Variants in OPCML observed in about 807,000 individuals in gnomAD.
OPCML encodes opioid binding protein/cell adhesion molecule like.
In OPCML, 13 loss-of-function variants were observed where a neutral mutation model predicts 37.8. The ratio of observed to expected loss-of-function variants is 0.34; its 90% CI spans 0.22 to 0.55. The LOEUF is 0.55. OPCML is among the 20% of genes least tolerant of loss of function. The probability of loss-of-function intolerance (pLI) is 0.91; values close to 1 mark genes in which losing one functional copy is unlikely to be tolerated. For synonymous variants in OPCML, 176 were observed against 168.8 expected, an observed-to-expected ratio of 1.04 and a Z score of -0.33; for missense variants, 341 against 435.6, an observed-to-expected ratio of 0.78 and a Z score of 1.93.
chr11:133,236,422 T>C (rs1940518536), intron 1 of OPCML, among the ~76,000 whole-genome samples: 1 of 152,322 alleles, frequency 6.6e-6, no homozygotes, highest in South Asian at 2.1e-4. Context: ...TGACCATGAG[T>C]ATCCCAAGTC....
chr11:132,909,001 G>A (rs1464608898), intron 2 of OPCML, among the ~76,000 whole-genome samples: 5 of 151,920 alleles, frequency 3.3e-5, no homozygotes, highest in African/African-American at 1.2e-4. Context: ...GTCGCTCAGG[G>A]GTCGCTGTGC....
Position 133,212,126 on chromosome 11 carries a change from G to A in OPCML, c.62-269116C>T, listed in dbSNP as rs995741218. ...GGGGGGTCAGGATCCTTCACCTGCT[G>A]GAACCTGAGCATGAAAGTACCCACA... On this transcript the variant is annotated intron_variant, in intron 1 of 7. Coordinates refer to ENST00000524381, the MANE Select transcript of OPCML (RefSeq NM_001012393.5). This position sits in a 1 kb window ranked among gnomAD's most constrained non-coding sequence, Gnocchi z 4.9. Among the ~76,000 whole-genome samples, 1 of 152,034 alleles carries A rather than the reference G, an allele frequency of 6.6e-6. No homozygotes were observed. Among genetic ancestry groups the A allele is most frequent in the Non-Finnish European group, 1.5e-5 (1 of 68,006 alleles).
chr11:133,266,270 T>A (rs1293886118), intron 1 of OPCML, among the ~76,000 whole-genome samples: 1 of 152,146 alleles, frequency 6.6e-6, no homozygotes, highest in African/African-American at 2.4e-5. Flanking sequence ...CAGAAGGAAC[T>A]TTCAATTATT....
chr11:133,353,788 G>T (rs920267690), intron 1 of OPCML, among the ~76,000 whole-genome samples: 1 of 152,150 alleles, frequency 6.6e-6, no homozygotes, highest in Non-Finnish European at 1.5e-5. Flanking sequence ...GCTTTTGGAC[G>T]ATGTAGATAA....
At chr11:133,343,876 C>G (rs775304335) in intron 1 of OPCML, among the ~76,000 whole-genome samples, 9 of 152,160 alleles carry the variant, frequency 5.9e-5, no homozygotes, top group Non-Finnish European at 1.2e-4. Flanking sequence ...ACAATTTAAA[C>G]ACAGTCATTA....
chr11:133,467,216 T>C (rs1048328826), intron 1 of OPCML, among the ~76,000 whole-genome samples: 4 of 152,170 alleles, frequency 2.6e-5, no homozygotes, highest in African/African-American at 7.2e-5. Context: ...ACAGGAGTCC[T>C]CTGTCCTTAG....
At chr11:133,057,387 C>T (rs984996357) in intron 1 of OPCML, among the ~76,000 whole-genome samples, 1 of 152,158 alleles carries the variant, frequency 6.6e-6, no homozygotes, top group Non-Finnish European at 1.5e-5. Context: ...GGTCAGCTGG[C>T]GGCTCTTCGA....
chr11:133,273,327 C>A (rs915365931), intron 1 of OPCML, among the ~76,000 whole-genome samples: 10 of 152,218 alleles, frequency 6.6e-5, no homozygotes, highest in African/African-American at 2.4e-4. Flanking sequence ...TGTGAGCCAG[C>A]AGGGTGCACA....
At chr11:132,697,266 C>T (rs898020522) in intron 2 of OPCML, among the ~76,000 whole-genome samples, 1 of 152,110 alleles carries the variant, frequency 6.6e-6, no homozygotes. Context: ...CACATAATTA[C>T]CTTCTTTTTT....
At chr11:132,507,773 A>G (rs185147318) in intron 4 of OPCML, among the ~76,000 whole-genome samples, 101 of 152,052 alleles carry the variant, frequency 6.6e-4, no homozygotes, top group Non-Finnish European at 1.5e-4. Flanking sequence ...AACAAAACTT[A>G]CAGACATGTT....
intron 2 of OPCML, among the ~76,000 whole-genome samples, chr11:132,813,485 C>A (rs1367410315): frequency 6.6e-6 from 1 of 152,178 alleles, no homozygotes; most frequent in Admixed American, 6.5e-5. Context: ...ACTACCAATG[C>A]AAGAGAAGCA....
chr11:133,372,072 T>A (rs1381773819), intron 1 of OPCML, among the ~76,000 whole-genome samples: 1 of 152,170 alleles, frequency 6.6e-6, no homozygotes, highest in Admixed American at 6.5e-5. Context: ...CAAAGATACA[T>A]TTAGATGGAA....
At chr11:132,917,252 G>C (rs1001945573) in intron 2 of OPCML, among the ~76,000 whole-genome samples, 5 of 152,228 alleles carry the variant, frequency 3.3e-5, no homozygotes, top group African/African-American at 7.2e-5. Flanking sequence ...TAGAAACTCT[G>C]TGGAGTCATC....
At chr11:132,861,575 G>A (rs550058807) in intron 2 of OPCML, among the ~76,000 whole-genome samples, 13 of 152,220 alleles carry the variant, frequency 8.5e-5, no homozygotes, top group East Asian at 1.9e-4. Context: ...GGTGGCTCAC[G>A]CCTGTAATCC....
At chr11:132,448,358 T>C (rs1166275200) in intron 4 of OPCML, among the ~76,000 whole-genome samples, 2 of 152,178 alleles carry the variant, frequency 1.3e-5, no homozygotes, top group Non-Finnish European at 2.9e-5. Context: ...AAGTACCCAC[T>C]AACCCAGGCA....
chr11:132,778,284 T>C (rs1267701100), intron 2 of OPCML, among the ~76,000 whole-genome samples: 1 of 152,144 alleles, frequency 6.6e-6, no homozygotes, highest in East Asian at 1.9e-4. Flanking sequence ...GTCACTGCAC[T>C]GGCCCCAGGC....
At chr11:132,634,810 T>C (rs1330122319) in intron 3 of OPCML, among the ~76,000 whole-genome samples, 1 of 152,172 alleles carries the variant, frequency 6.6e-6, no homozygotes, top group Non-Finnish European at 1.5e-5. Flanking sequence ...TGAACTTCAG[T>C]AGATCCCAGA....
chr11:132,947,584 A>G (rs191497433), intron 1 of OPCML, among the ~76,000 whole-genome samples: 170 of 152,328 alleles, frequency 1.1e-3, no homozygotes, highest in African/African-American at 4.1e-3. Flanking sequence ...TCTGTAGGAC[A>G]CTGCTGTGGA....
intron 1 of OPCML, among the ~76,000 whole-genome samples, chr11:133,491,413 G>A (rs1002753559): frequency 2.6e-5 from 4 of 152,146 alleles, no homozygotes; most frequent in Admixed American, 2.0e-4. Context: ...TCACTGTAAC[G>A]GTCCTCTTGA....
Sources: allele counts gnomAD v4.1 joint callset (sites outside exome capture counted in the v4.1 genomes callset), GRCh38; gene constraint gnomAD v4.1.1; non-coding constraint Gnocchi (gnomAD v3.1); transcripts MANE v1.5; gene names NCBI Gene and HGNC (gene_info 2026-07-23, HGNC 2026-07-21).